ARAP2: variants seen among roughly 807,000 people sequenced by gnomAD.
The protein encoded by ARAP2 is ArfGAP with RhoGAP domain, ankyrin repeat and PH domain 2, also known as arf-GAP with Rho-GAP domain, ANK repeat and PH domain-containing protein 2.
A neutral mutation model predicts 194.5 loss-of-function variants in ARAP2; 148 were observed. The observed-to-expected ratio is 0.76, with a 90% CI of 0.67 to 0.87. The LOEUF (loss-of-function observed/expected upper bound fraction) is 0.87, where lower values mean the gene tolerates loss of function less well. ARAP2 is among the 40% of genes least tolerant of loss of function. The pLI is 0.00. For missense variants in ARAP2, 2,128 were observed against 1,989.7 expected, an observed-to-expected ratio of 1.07 and a Z score of -1.32; for synonymous variants, 695 against 683.5, an observed-to-expected ratio of 1.02 and a Z score of -0.26.
intron 7 of ARAP2, among the ~76,000 whole-genome samples, chr4:36,189,326 T>C (rs1329578111): frequency 6.6e-6 from 1 of 152,300 alleles, no homozygotes; most frequent in East Asian, 1.9e-4. Flanking sequence ...TACATAGTGA[T>C]GTCGTGATAC....
intron 5 of ARAP2, among the ~76,000 whole-genome samples, chr4:36,041,364 G>T (rs1720843037): frequency 6.6e-6 from 1 of 151,960 alleles, no homozygotes; most frequent in Admixed American, 6.6e-5. Flanking sequence ...TAAAAAGAGG[G>T]AAAAAGAATG....
chr4:36,179,834 A>G (rs1237332724), intron 8 of ARAP2, among the ~76,000 whole-genome samples: 1 of 152,240 alleles, frequency 6.6e-6, no homozygotes, highest in Non-Finnish European at 1.5e-5. Context: ...TTTCATAATG[A>G]GTCTTTTTCA....
At chr4:36,162,246 A>G (rs917029949) in intron 11 of ARAP2, among the ~76,000 whole-genome samples, 3 of 152,198 alleles carry the variant, frequency 2.0e-5, no homozygotes, top group Non-Finnish European at 2.9e-5. Context: ...CCTTTTGTAA[A>G]GCTTGCTAAA....
intron 25 of ARAP2, among the ~76,000 whole-genome samples, chr4:36,115,513 T>C (rs183099369): frequency 6.6e-6 from 1 of 152,104 alleles, no homozygotes; most frequent in East Asian, 1.9e-4. Flanking sequence ...AAACCAGAAC[T>C]CTATTCCTTG....
intron 5 of ARAP2, among the ~76,000 whole-genome samples, chr4:36,039,515 C>A (rs538353292): frequency 2.6e-5 from 4 of 152,120 alleles, no homozygotes; most frequent in African/African-American, 7.2e-5. Flanking sequence ...CTGCTTGTGC[C>A]CCCTGGTAGG....
intron 27 of ARAP2, among the ~76,000 whole-genome samples, chr4:36,100,475 G>A (rs1716563591): frequency 6.6e-6 from 1 of 151,784 alleles, no homozygotes; most frequent in South Asian, 2.1e-4. Context: ...CAGTTTCCAT[G>A]AGAAGCAACT....
intron 5 of ARAP2, among the ~76,000 whole-genome samples, chr4:36,039,140 A>C (rs541518074): frequency 6.6e-6 from 1 of 152,282 alleles, no homozygotes; most frequent in Non-Finnish European, 1.5e-5. Flanking sequence ...ATTCATGGGG[A>C]ATTCACCCTC....
At chr4:36,014,362 GAAAGAAA>G (rs1715372066) in intron 8 of ARAP2, among the ~76,000 whole-genome samples, 1 of 139,430 alleles carries the variant, frequency 7.2e-6, no homozygotes, top group Non-Finnish European at 1.5e-5. Context: ...AAGAAAGAAA[GAAAGAAA>G]GAAAGAAAGA....
intron 5 of ARAP2, among the ~76,000 whole-genome samples, chr4:36,037,515 G>A (rs190615493): frequency 4.7e-4 from 72 of 152,202 alleles, no homozygotes; most frequent in African/African-American, 1.1e-3. Flanking sequence ...ATGGGGGCAA[G>A]GGGAATGAGT....
chr4:36,228,635 T>A lies in ARAP2; in HGVS notation c.852A>T (p.Leu284=). 6.2e-7 allele frequency: 1 copy of A among 1,614,014 alleles called. No homozygotes were observed. The part of the protein sequence containing the change: ...LVSRPSRSFL[L]RHRPVPEIPG... ...GAATCTCTGGTACAGGTCGATGTCTTAGCAGAAAAGATCGAGATGGTCTTG... is the reference window on the plus strand; with the variant it reads ...GAATCTCTGGTACAGGTCGATGTCTAAGCAGAAAAGATCGAGATGGTCTTG... Residue 284 remains leucine (L), a synonymous_variant, in exon 2 of 33, where the codon CTA becomes CTT. Transcript: ENST00000303965.
At chr4:36,138,061 T>C (rs567182787) in intron 19 of ARAP2, among the ~76,000 whole-genome samples, 7 of 151,894 alleles carry the variant, frequency 4.6e-5, no homozygotes, top group East Asian at 1.9e-4. Context: ...ATGTAATGCA[T>C]AGGACTTTGG....
intron 2 of ARAP2, among the ~76,000 whole-genome samples, chr4:36,052,460 C>G (rs372188602): frequency 1.3e-5 from 2 of 152,118 alleles, no homozygotes; most frequent in African/African-American, 2.4e-5. Context: ...TAGCTACATA[C>G]GAAAAGGCAG....
chr4:36,229,063 A>G lies in ARAP2; in HGVS notation c.424T>C (p.Ser142Pro). 1 of 1,614,078 alleles carries G rather than the reference A, an allele frequency of 6.2e-7. No homozygotes were observed. The highest frequency in any genetic ancestry group is 8.5e-7 in the Non-Finnish European group (1 of 1,179,988). The change falls in exon 2 of 33, where the codon TCA becomes CCA. Residue 142 changes from serine to proline, a missense_variant. Coordinates refer to ENST00000303965, the MANE Select transcript of ARAP2 (RefSeq NM_015230.4). ...TTAGGAGGAGACAGCTTATCATCTG[A>G]TTGAGGATACTGGCTTCTTTCCACA... is the stretch of plus-strand genomic sequence containing the variant. ...ASVERSQYPQSDDKLSPPKRD... is the reference protein window; with the variant it reads ...ASVERSQYPQPDDKLSPPKRD...
At chr4:36,126,531 C>G (rs1723949531) in intron 21 of ARAP2, among the ~76,000 whole-genome samples, 1 of 151,992 alleles carries the variant, frequency 6.6e-6, no homozygotes, top group Non-Finnish European at 1.5e-5. Flanking sequence ...TTCTCTACCT[C>G]AGGTATACAG....
chr4:36,147,825 G>A (rs1214956381), intron 17 of ARAP2, 79 bp from the exon 18 acceptor site: 3 of 1,169,332 alleles, frequency 2.6e-6, no homozygotes, highest in Admixed American at 6.1e-5. Flanking sequence ...ATGAGAGAAG[G>A]TAGACAAATT....
intron 1 of ARAP2, among the ~76,000 whole-genome samples, chr4:36,234,143 G>A (rs547977644): frequency 6.6e-5 from 10 of 152,224 alleles, no homozygotes; most frequent in Admixed American, 2.0e-4. Flanking sequence ...TCATAAAGTC[G>A]AAAAATCCCA....
Position 36,031,173 on chromosome 4 carries a change from C to T in ARAP2, n.608-11887G>A, listed in dbSNP as rs145527056. Among the ~76,000 whole-genome samples the T allele has an allele frequency of 4.9e-3, 753 of 152,176 alleles. 3 individuals are homozygous for T. Among genetic ancestry groups the T allele is most frequent in the Middle Eastern group, 0.01 (3 of 294 alleles). ...ATTCATGGTGTTTTCATCTGCATGACGATTGATTCTGAAGAAAAATTTTCA... is the reference window on the plus strand; with the variant it reads ...ATTCATGGTGTTTTCATCTGCATGATGATTGATTCTGAAGAAAAATTTTCA... On this transcript the variant is annotated intron_variant and non_coding_transcript_variant, in intron 5 of 12. Coordinates refer to the ARAP2 transcript ENST00000503225.
intron 29 of ARAP2, among the ~76,000 whole-genome samples, chr4:36,083,009 T>C (rs138275881): frequency 1.8e-4 from 27 of 152,244 alleles, no homozygotes; most frequent in Non-Finnish European, 4.0e-4. Flanking sequence ...CTTTCCTGTG[T>C]TGTAGACTTG....
rs184281688 is a variant in ARAP2 at position 36,233,141 on chromosome 4, G to A, written c.-159-3496C>T. On this transcript the variant is annotated intron_variant, in intron 1 of 32. Transcript: ENST00000303965. The stretch of plus-strand genomic sequence containing the variant: ...CAATTGTCTGACATTTTAACTGTCT[G>A]AACACCCAAGAGTGTTCACAGATCC... Among the ~76,000 whole-genome samples the A allele has an allele frequency of 2.1e-3, 323 of 152,252 alleles. 3 individuals are homozygous for A. Among genetic ancestry groups the A allele is most frequent in the Non-Finnish European group, 2.9e-3 (196 of 68,020 alleles).
Sources: allele counts gnomAD v4.1 joint callset (sites outside exome capture counted in the v4.1 genomes callset), GRCh38; gene constraint gnomAD v4.1.1; transcripts MANE v1.5; gene names NCBI Gene and HGNC (gene_info 2026-07-23, HGNC 2026-07-21).